The following FDFT1 variants were observed in gnomAD, a reference collection of about 807,000 sequenced individuals.
FDFT1 encodes the protein farnesyl-diphosphate farnesyltransferase 1.
Under a neutral mutation model 46.8 loss-of-function variants are expected in FDFT1, and 68 were observed. The ratio of observed to expected loss-of-function variants is 1.45; its 90% CI spans 1.19 to 1.78. FDFT1 has a LOEUF of 1.78. Ranked by LOEUF, FDFT1 falls within the 40% of genes most tolerant of loss-of-function variation. The pLI is 0.00. For missense variants in FDFT1, 928 were observed against 524.4 expected, an observed-to-expected ratio of 1.77 and a Z score of -7.52; for synonymous variants, 351 against 185.1, an observed-to-expected ratio of 1.90 and a Z score of -7.28.
chr8:11,806,985 C>T (rs932887575), intron 1 of FDFT1, among the ~76,000 whole-genome samples: 2 of 151,336 alleles, frequency 1.3e-5, no homozygotes, highest in African/African-American at 4.8e-5. Flanking sequence ...AAAAGATTGA[C>T]CCTTTTGGCA....
At chr8:11,828,472 C>G (rs7009302) in intron 5 of FDFT1, among the ~76,000 whole-genome samples, 66,021 of 151,954 alleles carry the variant, frequency 0.43, 14,813 homozygotes, top group East Asian at 0.79. Context: ...TATAGTGAGG[C>G]AGTGGCTGCC....
At chr8:11,802,101 C>G (rs1186141301), upstream of FDFT1, 3 of 454,904 alleles carry the variant, frequency 6.6e-6, no homozygotes, top group Non-Finnish European at 1.3e-5. Context: ...AGCTGGATCT[C>G]AAGTAAACAC....
chr8:11,806,909 GT>G (rs1460695017), intron 1 of FDFT1, among the ~76,000 whole-genome samples: 4 of 152,130 alleles, frequency 2.6e-5, no homozygotes, highest in African/African-American at 9.7e-5. Flanking sequence ...ATGGTGCCCA[GT>G]AAATACTTGT....
chr8:11,806,376 G>T (rs1262684981), intron 1 of FDFT1, among the ~76,000 whole-genome samples: 1 of 152,172 alleles, frequency 6.6e-6, no homozygotes, highest in Non-Finnish European at 1.5e-5. Context: ...ATGCTTACTA[G>T]TTGTGTCTTC....
intron 4 of FDFT1, among the ~76,000 whole-genome samples, chr8:11,822,727 G>C (rs1370635810): frequency 6.6e-6 from 1 of 152,100 alleles, no homozygotes; most frequent in Non-Finnish European, 1.5e-5. Flanking sequence ...GGTGTGGGAG[G>C]ATTGCTTGAG....
upstream of FDFT1, chr8:11,801,781 C>T: frequency 5.5e-6 from 2 of 363,106 alleles, no homozygotes; most frequent in South Asian, 2.1e-5. Flanking sequence ...GCAAACTCCG[C>T]TTCCCGGGTT....
intron 3 of FDFT1, among the ~76,000 whole-genome samples, chr8:11,810,527 G>C (rs1159639780): frequency 6.6e-6 from 1 of 152,176 alleles, no homozygotes; most frequent in African/African-American, 2.4e-5. Context: ...CACATATAAA[G>C]TACTTAGTGC....
At chr8:11,802,703 C>G, upstream of FDFT1, 1 of 702,530 alleles carries the variant, frequency 1.4e-6, no homozygotes, top group Non-Finnish European at 2.4e-6. Flanking sequence ...GGCGGGGCGT[C>G]GCCGTACTAG....
chr8:11,831,468 A>C (rs779979019), intron 6 of FDFT1, 50 bp from the exon 7 acceptor site: 6 of 1,536,792 alleles, frequency 3.9e-6, no homozygotes, highest in African/African-American at 2.7e-5. Context: ...TGATAATGAT[A>C]GCTAACGACA....
In FDFT1 at chr8:11,830,439, C is replaced by G. The variant is rs749987862; in HGVS notation, c.879+19C>G. On this transcript the variant is annotated intron_variant, in intron 6 of 7. Transcript: ENST00000220584. ...TCCACAGGTAGGGAAGGGGGCTCCT[C>G]TGGGTGGATACGGGGCTAAAGGGAG... 39 of 1,585,998 alleles carry G rather than the reference C, an allele frequency of 2.5e-5. No homozygotes were observed. The highest frequency in any genetic ancestry group is 8.8e-5 in the South Asian group (8 of 90,420).
chr8:11,824,693 C>A (rs1443665256), intron 4 of FDFT1, among the ~76,000 whole-genome samples: 1 of 152,128 alleles, frequency 6.6e-6, no homozygotes, highest in East Asian at 1.9e-4. Context: ...TGCTATGTAC[C>A]TGATACAATG....
rs111374888 is a variant in FDFT1, at chr8:11,813,149, G to A, written c.381+3299G>A. Among the ~76,000 whole-genome samples, 482 of 152,186 alleles carry A rather than the reference G, an allele frequency of 3.2e-3. 1 individual carries two copies. Among genetic ancestry groups the A allele is most frequent in the African/African-American group, 0.011 (456 of 41,494 alleles). On this transcript the variant is annotated intron_variant, in intron 3 of 7. Coordinates refer to ENST00000220584, the MANE Select transcript of FDFT1 (RefSeq NM_004462.5). ...CATAGAAAAGGTATAGTAAAAACAG[G>A]GTGTTACAGTCTTAAGGGCCCACCA...
At chr8:11,817,756 TTTC>T (rs1808660518) in intron 3 of FDFT1, among the ~76,000 whole-genome samples, 2 of 151,928 alleles carry the variant, frequency 1.3e-5, no homozygotes, top group South Asian at 2.1e-4. Flanking sequence ...TCTTCTGTCT[TTTC>T]TTCTTGCTAG....
At chr8:11,809,315 G>A (rs1807374409) in intron 2 of FDFT1, 2 of 1,092,106 alleles carry the variant, frequency 1.8e-6, no homozygotes, top group Non-Finnish European at 2.2e-6. Context: ...TTTATACTGA[G>A]AAGTTACTGT....
chr8:11,821,640 A>G lies in FDFT1; in HGVS notation c.382-110A>G, dbSNP rs1331522445. The G allele has an allele frequency of 3.1e-6, 4 of 1,287,070 alleles. No homozygotes were observed. The East Asian group carries it at 7.3e-5, about 24-fold the overall frequency. 79.7% of individuals were successfully genotyped at this position (1,287,070 alleles called of 1,614,324 possible). On this transcript the variant is annotated intron_variant, in intron 3 of 7. Transcript: ENST00000220584. ...AATGTGTGACCTAAATTAGGCTTAT[A>G]GATGAACCATTGCAGTCATGATTAA...
intron 1 of FDFT1, 151 bp downstream of exon 1, chr8:11,803,082 C>G: frequency 1.4e-6 from 2 of 1,443,388 alleles, no homozygotes; most frequent in Non-Finnish European, 1.8e-6. Flanking sequence ...TCGAGCCTTC[C>G]CCCTGTAGGG....
chr8:11,802,525 C>G (rs765293904), upstream of FDFT1: 12 of 536,856 alleles, frequency 2.2e-5, no homozygotes, highest in African/African-American at 1.1e-4. Flanking sequence ...CTTTCTCGGC[C>G]TCCAATGAGC....
At chr8:11,799,658 C>T (rs1264293620), upstream of FDFT1, among the ~76,000 whole-genome samples, 3 of 152,218 alleles carry the variant, frequency 2.0e-5, no homozygotes, top group South Asian at 4.1e-4. Context: ...AAAGAAATAG[C>T]ACTTGTAGGC....
chr8:11,817,156 A>T (rs1337443036), intron 3 of FDFT1, among the ~76,000 whole-genome samples: 1 of 152,130 alleles, frequency 6.6e-6, no homozygotes, highest in African/African-American at 2.4e-5. Context: ...GGTTCTGTTT[A>T]TGTGATGGAT....
Sources: allele counts gnomAD v4.1 joint callset (sites outside exome capture counted in the v4.1 genomes callset), GRCh38; gene constraint gnomAD v4.1.1; transcripts MANE v1.5; gene names NCBI Gene and HGNC (gene_info 2026-07-23, HGNC 2026-07-21).